The following OR3A3 variants were observed in gnomAD, a reference collection of about 807,000 sequenced individuals.
The protein encoded by OR3A3 is olfactory receptor family 3 subfamily A member 3, also known as olfactory receptor 3A3.
For missense variants in OR3A3, 275 were observed against 391.4 expected (o/e 0.70, Z 2.51); for synonymous variants, 103 against 163.9 (o/e 0.63, Z 2.84).
At chr17:3,415,561 C>CAAAAAAAAAAAAAAAAAA (rs373566506) in intron 2 of OR3A3, among the ~76,000 whole-genome samples, 1 of 110,774 alleles carries the variant, frequency 9.0e-6, no homozygotes, top group African/African-American at 3.7e-5. Context: ...AACTCCAACT[C>CAAAAAAAAAAAAAAAAAA]AAAAAAAAAA....
At chr17:3,417,085 A>C (rs554697187) in intron 2 of OR3A3, among the ~76,000 whole-genome samples, 1 of 151,914 alleles carries the variant, frequency 6.6e-6, no homozygotes, top group East Asian at 1.9e-4. Flanking sequence ...ATTATTTTGC[A>C]TGCTTATACT....
chr17:3,421,808 G>A (rs1367479991), exon 3 of OR3A3: 1 of 331,776 alleles, frequency 3.0e-6, no homozygotes, highest in Non-Finnish European at 5.4e-6. Flanking sequence ...TGCTATAAAG[G>A]TAGGCTAAAT....
exon 3 of OR3A3, chr17:3,421,673 C>A: frequency 1.2e-6 from 1 of 835,694 alleles, no homozygotes. Context: ...TACAAGGAAA[C>A]CCTATATAAT....
At chr17:3,420,807 C>T (rs964384681) in exon 3 of OR3A3, 34 of 1,326,958 alleles carry the variant, frequency 2.6e-5, no homozygotes, top group African/African-American at 2.1e-4. Context: ...TGCTGGATGT[C>T]GGATGTATCA....
At chr17:3,421,313 C>T (rs1244806948) in exon 3 of OR3A3, 3 of 1,614,110 alleles carry the variant, frequency 1.9e-6, no homozygotes, top group East Asian at 2.2e-5. Flanking sequence ...GCCTTCTCCA[C>T]ATGTGGCTCC....
At chr17:3,420,506 G>C (rs1597376375) in intron 2 of OR3A3, 74 bp from the exon 3 acceptor site, 2 of 1,563,644 alleles carry the variant, frequency 1.3e-6, no homozygotes, top group East Asian at 2.2e-5. Context: ...ACGGGGCTTT[G>C]AACATAAATG....
chr17:3,421,267 G>C, exon 3 of OR3A3: 7 of 1,614,198 alleles, frequency 4.3e-6, no homozygotes, highest in Non-Finnish European at 5.9e-6. Flanking sequence ...GGTAGCTGCT[G>C]TGCTGCAAAT....
chr17:3,423,298 C>A (rs961573511), exon 3 of OR3A3: 2 of 152,416 alleles, frequency 1.3e-5, no homozygotes, highest in Non-Finnish European at 2.9e-5. Context: ...TTACCACCAC[C>A]ATTTCCACCA....
chr17:3,413,737 T>C (rs1056235300), intron 2 of OR3A3, among the ~76,000 whole-genome samples: 10 of 150,848 alleles, frequency 6.6e-5, no homozygotes, highest in Non-Finnish European at 1.2e-4. Context: ...CACTTGAACC[T>C]GGGAGGTGGA....
intron 1 of OR3A3, 69 bp from the exon 2 acceptor site, chr17:3,411,901 GGCATCGTT>G (rs1350023582): frequency 6.6e-6 from 1 of 151,884 alleles, no homozygotes; most frequent in East Asian, 2.0e-4. Flanking sequence ...GAAGGTGTGA[GGCATCGTT>G]GCCATGAGTA....
intron 2 of OR3A3, among the ~76,000 whole-genome samples, chr17:3,419,867 G>T (rs1039316927): frequency 3.3e-5 from 5 of 150,658 alleles, no homozygotes; most frequent in African/African-American, 1.2e-4. Context: ...CCAGGTTCAC[G>T]CCATTCTCCT....
chr17:3,420,550 T>C lies in OR3A3; in HGVS notation c.-6-30T>C, dbSNP rs573779796. On this transcript the variant is annotated intron_variant, in intron 2 of 2. Coordinates refer to ENST00000641141, the Ensembl canonical transcript of OR3A3. The stretch of plus-strand genomic sequence containing the variant: ...TGTTAATGTGAACTGAGTGAACTGA[T>C]ACCTCCCCTGCTGGGACATGTCCTT... The C allele has an allele frequency of 7.0e-6, 11 of 1,568,912 alleles. No homozygotes were observed. In the East Asian group the frequency reaches 2.0e-4, roughly 29 times the overall value.
At chr17:3,413,845 CAA>C (rs34648972) in intron 2 of OR3A3, among the ~76,000 whole-genome samples, 1 of 143,146 alleles carries the variant, frequency 7.0e-6, no homozygotes, top group African/African-American at 2.6e-5. Context: ...AAACAAAAAA[CAA>C]AAAAAAAAAA....
chr17:3,421,381 G>C, exon 3 of OR3A3: 2 of 1,614,130 alleles, frequency 1.2e-6, no homozygotes, highest in Non-Finnish European at 1.7e-6. Context: ...CATGAGGCTG[G>C]GTTCAGTGGA....
At chr17:3,421,597 C>T in exon 3 of OR3A3, 1 of 1,505,550 alleles carries the variant, frequency 6.6e-7, no homozygotes, top group South Asian at 1.4e-5. Context: ...TAGTAACCAA[C>T]AAACCTTGTT....
chr17:3,419,943 A>ATTTT (rs771919749), intron 2 of OR3A3, among the ~76,000 whole-genome samples: 3 of 151,516 alleles, frequency 2.0e-5, no homozygotes, highest in East Asian at 3.9e-4. Context: ...TTTTTTTTGT[A>ATTTT]TTTTTAGTAG....
At chr17:3,419,843 C>T (rs2072416801) in intron 2 of OR3A3, among the ~76,000 whole-genome samples, 1 of 151,214 alleles carries the variant, frequency 6.6e-6, no homozygotes, top group Middle Eastern at 3.2e-3. Flanking sequence ...ACACCATTCT[C>T]CCGCCTCAGC....
exon 3 of OR3A3, chr17:3,422,663 A>G (rs370872669): frequency 1.4e-4 from 22 of 152,420 alleles, no homozygotes; most frequent in African/African-American, 5.1e-4. Flanking sequence ...GATTCTCTCC[A>G]GCCCCTCTAG....
intron 2 of OR3A3, among the ~76,000 whole-genome samples, chr17:3,418,163 T>C (rs1389425429): frequency 6.6e-6 from 1 of 152,204 alleles, no homozygotes. Context: ...TGCCACAATT[T>C]TTCTTCTGAG....
Sources: allele counts gnomAD v4.1 joint callset (sites outside exome capture counted in the v4.1 genomes callset), GRCh38; gene constraint gnomAD v4.1.1; transcripts MANE v1.5; gene names NCBI Gene and HGNC (gene_info 2026-07-23, HGNC 2026-07-21).